The following ZMYM2 variants were observed in gnomAD, a reference collection of about 807,000 sequenced individuals.
The protein encoded by ZMYM2 is zinc finger MYM-type containing 2, also known as zinc finger MYM-type protein 2.
In ZMYM2, 56 loss-of-function variants were observed where a neutral mutation model predicts 162.8. That is an observed-to-expected ratio of 0.34 (90% CI 0.28 to 0.43). The LOEUF (loss-of-function observed/expected upper bound fraction) is 0.43, where lower values mean the gene tolerates loss of function less well. ZMYM2 is among the 20% of genes least tolerant of loss of function. The pLI, the probability that ZMYM2 is intolerant of heterozygous loss-of-function variation, is 1.00. For synonymous variants in ZMYM2, 510 were observed against 541.6 expected (o/e 0.94, Z 0.81); for missense variants, 1,275 against 1,621.8 (o/e 0.79, Z 3.67).
In ZMYM2 at chr13:20,087,271, TAAAA is replaced by T. The variant is rs748988991; in HGVS notation, c.*1265_*1268del. On this transcript the variant is annotated 3_prime_UTR_variant, in exon 25 of 25. Coordinates refer to ENST00000610343, the MANE Select transcript of ZMYM2 (RefSeq NM_197968.4). ...AATTACTTCTTATAGAAGATTGCAT[TAAAA>T]AAAAAAACAACTTTGTGCTTCTGCA... The T allele has an allele frequency of 6.1e-6, 1 of 164,280 alleles. No individual in the cohort carries two copies. The highest frequency in any genetic ancestry group is 1.2e-4 in the East Asian group (1 of 8,116). The allele number at this position is 164,280 out of a possible 1,614,324, so 10.2% of individuals were successfully genotyped here. A position where few individuals can be genotyped will look rare whatever the true frequency, so the allele number is the denominator to read the frequency against.
intron 3 of ZMYM2, among the ~76,000 whole-genome samples, chr13:19,994,298 T>C (rs1949852326): frequency 6.6e-6 from 1 of 152,206 alleles, no homozygotes; most frequent in Non-Finnish European, 1.5e-5. Flanking sequence ...CTAGGCCACA[T>C]AGCGAGACGC....
chr13:19,910,140 T>C, the ZMYM2 span, among the ~76,000 whole-genome samples: 3 of 150,996 alleles, frequency 2.0e-5, no homozygotes, highest in Non-Finnish European at 4.4e-5. Flanking sequence ...GGCAGGAGAA[T>C]GGCGTGAACC....
At chr13:20,078,134 T>TAA (rs1957645569) in intron 21 of ZMYM2, among the ~76,000 whole-genome samples, 1 of 152,164 alleles carries the variant, frequency 6.6e-6, no homozygotes. Flanking sequence ...TAAGTATTTT[T>TAA]AAAGATGATA....
At chr13:19,946,825 T>C in the ZMYM2 span, among the ~76,000 whole-genome samples, 1 of 152,200 alleles carries the variant, frequency 6.6e-6, no homozygotes, top group Non-Finnish European at 1.5e-5. Context: ...TAAAGAATGA[T>C]TATTAGATCC....
the ZMYM2 span, among the ~76,000 whole-genome samples, chr13:19,877,206 C>T: frequency 1.4e-4 from 12 of 84,352 alleles, no homozygotes; most frequent in Non-Finnish European, 2.4e-4. Flanking sequence ...AGCGAGACTC[C>T]GTCTCAAAAA....
chr13:19,878,097 G>C, the ZMYM2 span, among the ~76,000 whole-genome samples: 1 of 148,884 alleles, frequency 6.7e-6, no homozygotes, highest in Non-Finnish European at 1.5e-5. Context: ...CTGTTGCCCA[G>C]GCTGGAGTGC....
intron 10 of ZMYM2, among the ~76,000 whole-genome samples, chr13:20,032,059 C>T (rs558314358): frequency 2.6e-5 from 4 of 151,680 alleles, no homozygotes; most frequent in Admixed American, 6.6e-5. Flanking sequence ...TTAGTAGAGA[C>T]GGGGTTTCAC....
chr13:20,070,090 G>C (rs909871510), intron 21 of ZMYM2, among the ~76,000 whole-genome samples: 3 of 151,886 alleles, frequency 2.0e-5, no homozygotes, highest in Non-Finnish European at 2.9e-5. Flanking sequence ...TTTGATGCTG[G>C]CCACATGAAT....
At chr13:19,876,555 T>G in the ZMYM2 span, among the ~76,000 whole-genome samples, 1 of 151,298 alleles carries the variant, frequency 6.6e-6, no homozygotes, top group African/African-American at 2.4e-5. Context: ...ACTCCTGACC[T>G]CAAGTGATCT....
chr13:19,874,928 G>A, the ZMYM2 span, among the ~76,000 whole-genome samples: 1 of 152,174 alleles, frequency 6.6e-6, no homozygotes. Context: ...AGATGTGGGT[G>A]AGGCTATGGA....
At chr13:20,004,812 C>T (rs1383351959) in intron 4 of ZMYM2, among the ~76,000 whole-genome samples, 1 of 151,936 alleles carries the variant, frequency 6.6e-6, no homozygotes, top group Non-Finnish European at 1.5e-5. Context: ...TTAGTTTTCC[C>T]AATATTTGAA....
upstream of ZMYM2, among the ~76,000 whole-genome samples, chr13:19,954,506 A>G (rs1954476190): frequency 6.6e-6 from 1 of 152,132 alleles, no homozygotes; most frequent in Non-Finnish European, 1.5e-5. Context: ...TGAGGTGGTT[A>G]ATAGCATGGA....
At chr13:19,892,858 G>A in the ZMYM2 span, among the ~76,000 whole-genome samples, 8 of 151,562 alleles carry the variant, frequency 5.3e-5, no homozygotes, top group South Asian at 1.7e-3. Flanking sequence ...GGGACTACAG[G>A]CACGCGCCAC....
chr13:19,873,311 G>C, the ZMYM2 span, among the ~76,000 whole-genome samples: 1 of 151,978 alleles, frequency 6.6e-6, no homozygotes, highest in Admixed American at 6.6e-5. Context: ...ATGGCCCCTC[G>C]GCCTTTCCCT....
chr13:20,062,931 A>G lies in ZMYM2; in HGVS notation c.2997A>G (p.Pro999=), dbSNP rs185714432. 2,084 of 1,604,698 alleles carry G rather than the reference A, an allele frequency of 1.3e-3. 4 individuals are homozygous for G. The highest frequency in any genetic ancestry group is 5.9e-3 in the Middle Eastern group (36 of 6,052). ...PETQSSMPDV[P]YEPDLDIEID... ...CACAGTCCAGCATGCCTGATGTACC[A>G]TATGAACCAGATTTGGATATCGAAA... Residue 999 remains proline (P), a synonymous_variant, in exon 18 of 25, where the codon CCA becomes CCG. Coordinates refer to ENST00000610343, the MANE Select transcript of ZMYM2 (RefSeq NM_197968.4).
chr13:20,071,357 A>G (rs1321598433), intron 21 of ZMYM2, among the ~76,000 whole-genome samples: 2 of 152,264 alleles, frequency 1.3e-5, no homozygotes, highest in Non-Finnish European at 1.5e-5. Flanking sequence ...TGCGTAAACA[A>G]CAAAGGAACG....
At chr13:19,878,517 C>CTTTT in the ZMYM2 span, among the ~76,000 whole-genome samples, 5 of 99,026 alleles carry the variant, frequency 5.0e-5, no homozygotes, top group Non-Finnish European at 6.3e-5. Context: ...TTCCTTTGCC[C>CTTTT]TTTTTTTTTT....
chr13:20,002,114 A>G (rs1950436199), intron 3 of ZMYM2, among the ~76,000 whole-genome samples: 1 of 152,248 alleles, frequency 6.6e-6, no homozygotes, highest in Non-Finnish European at 1.5e-5. Context: ...TTTAAAGGCC[A>G]TGAAACTAAA....
chr13:19,868,303 AGCTTTT>A, the ZMYM2 span, among the ~76,000 whole-genome samples: 1 of 152,216 alleles, frequency 6.6e-6, no homozygotes, highest in African/African-American at 2.4e-5. Flanking sequence ...CTTATGTAGT[AGCTTTT>A]GCTTTTAATC....
Sources: gnomAD v4.1 joint callset for allele counts (sites outside exome capture counted in the v4.1 genomes callset) on GRCh38, gnomAD v4.1.1 for gene constraint, MANE v1.5 for transcripts, NCBI Gene and HGNC (gene_info 2026-07-23, HGNC 2026-07-21) for gene names.